The following CACNA2D2 variants were observed in gnomAD, a reference collection of about 807,000 sequenced individuals.
The protein encoded by CACNA2D2 is voltage-dependent calcium channel subunit alpha-2/delta-2.
Under a neutral mutation model 166.4 loss-of-function variants are expected in CACNA2D2, and 48 were observed. The ratio of observed to expected loss-of-function variants is 0.29; its 90% CI spans 0.23 to 0.37. The LOEUF (loss-of-function observed/expected upper bound fraction) is 0.37. CACNA2D2 is among the 10% of genes least tolerant of loss of function. The probability of loss-of-function intolerance (pLI) is 1.00; values close to 1 mark genes in which losing one functional copy is unlikely to be tolerated. For synonymous variants in CACNA2D2, 561 were observed against 573.7 expected, an observed-to-expected ratio of 0.98 and a Z score of 0.32; for missense variants, 1,122 against 1,433.0, an observed-to-expected ratio of 0.78 and a Z score of 3.50.
chr3:50,364,516 A>G lies in CACNA2D2; in HGVS notation c.*150T>C, dbSNP rs1704101008. On this transcript the variant is annotated 3_prime_UTR_variant, in exon 38 of 38. Coordinates refer to ENST00000424201, the MANE Select transcript of CACNA2D2 (RefSeq NM_006030.4). The stretch of plus-strand genomic sequence containing the variant: ...GTCCCGCTTTGGGACTCCCCATCCC[A>G]AGGCGCAGACCAGACTCTCAGGGCC... 4 of 969,378 alleles carry G rather than the reference A, an allele frequency of 4.1e-6. No homozygotes were observed. The highest frequency in any genetic ancestry group is 4.4e-6 in the Non-Finnish European group (3 of 678,304). The allele number at this position is 969,378 out of a possible 1,614,324, so 60.0% of individuals were successfully genotyped here.
intron 13 of CACNA2D2, 145 bp from the exon 14 acceptor site, chr3:50,378,478 G>A (rs1277372832): frequency 1.0e-5 from 8 of 799,614 alleles, no homozygotes; most frequent in East Asian, 2.7e-5. Flanking sequence ...TAGTGCTCCC[G>A]GCCTCTGCCC....
intron 2 of CACNA2D2, among the ~76,000 whole-genome samples, chr3:50,449,928 C>T (rs977459205): frequency 6.6e-6 from 1 of 152,152 alleles, no homozygotes; most frequent in Non-Finnish European, 1.5e-5. Flanking sequence ...ACAGGACTGT[C>T]ACCACCCAAG....
intron 2 of CACNA2D2, among the ~76,000 whole-genome samples, chr3:50,448,582 G>A (rs1402644162): frequency 1.3e-5 from 2 of 152,126 alleles, no homozygotes; most frequent in Non-Finnish European, 2.9e-5. Flanking sequence ...TATATGCCCA[G>A]GTTTATGGCG....
At chr3:50,372,726 G>A (rs587641291) in intron 22 of CACNA2D2, among the ~76,000 whole-genome samples, 14 of 152,272 alleles carry the variant, frequency 9.2e-5, no homozygotes, top group South Asian at 2.1e-4. Flanking sequence ...GTGGAGAAGC[G>A]TCCAGACTGT....
intron 1 of CACNA2D2, among the ~76,000 whole-genome samples, chr3:50,485,419 C>T (rs1041792113): frequency 3.3e-5 from 5 of 152,238 alleles, no homozygotes; most frequent in Non-Finnish European, 5.9e-5. Flanking sequence ...ATTTTTCCAA[C>T]AAAATCCAAT....
At chr3:50,468,074 G>A (rs1168936426) in intron 2 of CACNA2D2, among the ~76,000 whole-genome samples, 3 of 152,198 alleles carry the variant, frequency 2.0e-5, no homozygotes. Context: ...CAATGAAAGG[G>A]AGTGAAGGAT....
At chr3:50,406,801 T>A (rs1424769801) in intron 3 of CACNA2D2, among the ~76,000 whole-genome samples, 1 of 151,792 alleles carries the variant, frequency 6.6e-6, no homozygotes, top group Non-Finnish European at 1.5e-5. Context: ...TGTGGTCACC[T>A]CTGCTAGTGC....
At position 50,380,892 on chromosome 3, in the gene CACNA2D2, G is replaced by A; in HGVS notation, c.785-87C>T. The A allele has an allele frequency of 1.9e-6, 3 of 1,544,808 alleles. No individual in the cohort carries two copies. The East Asian group carries it at 6.8e-5, about 35-fold the overall frequency. On this transcript the variant is annotated intron_variant, in intron 7 of 37. Transcript: ENST00000424201. The surrounding 1 kb of genome is among the most constrained non-coding windows in gnomAD (Gnocchi z 4.9). ...TTGCAGAGGCGACTGGGCTGCCACAGACTACAGAGAAGCCACCCCGCCCCA... is the reference window on the plus strand; with the variant it reads ...TTGCAGAGGCGACTGGGCTGCCACAAACTACAGAGAAGCCACCCCGCCCCA...
chr3:50,464,496 A>G (rs1709738085), intron 2 of CACNA2D2, among the ~76,000 whole-genome samples: 1 of 152,154 alleles, frequency 6.6e-6, no homozygotes, highest in South Asian at 2.1e-4. Flanking sequence ...GCCCTGTTCA[A>G]TGAGGGAACC....
Position 50,381,537 on chromosome 3 carries a change from C to T in CACNA2D2, c.653-411G>A, listed in dbSNP as rs1359058218. Among the ~76,000 whole-genome samples the T allele has an allele frequency of 2.6e-5, 4 of 150,986 alleles. No homozygotes were observed. The Admixed American group carries it at 2.7e-4, about 10-fold the overall frequency. ...ACTCCAGGCTTCAGCCACAAGAAAG[C>T]AATTAAGGGCCTGCTGATGGGGCTG... On this transcript the variant is annotated intron_variant, in intron 6 of 37. Coordinates refer to ENST00000424201, the MANE Select transcript of CACNA2D2 (RefSeq NM_006030.4).
chr3:50,453,286 T>C (rs1709193298), intron 2 of CACNA2D2, among the ~76,000 whole-genome samples: 1 of 152,180 alleles, frequency 6.6e-6, no homozygotes, highest in African/African-American at 2.4e-5. Context: ...TCCCAAGTCC[T>C]AGCAGCCTCT....
Position 50,476,169 on chromosome 3 carries a change from C to T in CACNA2D2, c.237G>A (p.Gln79=), listed in dbSNP as rs2107090444. 6.2e-7 allele frequency: 1 copy of T among 1,600,516 alleles called. No homozygotes were observed. The highest frequency in any genetic ancestry group is 1.7e-4 in the Middle Eastern group (1 of 6,052). Residue 79 remains glutamine (Q), a synonymous_variant, in exon 2 of 38, where the codon CAG becomes CAA. Coordinates refer to ENST00000424201, the MANE Select transcript of CACNA2D2 (RefSeq NM_006030.4). ...TMQHWARRLE[Q]EVDGVMRIFG... is the part of the protein sequence containing the mutation. Reference sequence around the variant, plus strand: ...AAATCCGCATCACGCCGTCGACCTCCTGCTCCAGACGCCGGGCCCAGTGCT... The same window carrying T: ...AAATCCGCATCACGCCGTCGACCTCTTGCTCCAGACGCCGGGCCCAGTGCT...
chr3:50,402,292 T>C (rs1030508652), intron 3 of CACNA2D2, among the ~76,000 whole-genome samples: 7 of 152,110 alleles, frequency 4.6e-5, no homozygotes, highest in African/African-American at 1.7e-4. Context: ...ACAGACCAGT[T>C]TTCTGGAAAT....
chr3:50,378,760 A>G (rs1359870874), intron 13 of CACNA2D2, among the ~76,000 whole-genome samples, 155 bp downstream of exon 13: 1 of 152,214 alleles, frequency 6.6e-6, no homozygotes, highest in African/African-American at 2.4e-5. Flanking sequence ...GTTAGCCCCC[A>G]GATAGAGTGA....
At chr3:50,436,126 G>T (rs1236167347) in intron 2 of CACNA2D2, among the ~76,000 whole-genome samples, 1 of 152,154 alleles carries the variant, frequency 6.6e-6, no homozygotes, top group Non-Finnish European at 1.5e-5. Flanking sequence ...CGATTGAGTG[G>T]CAAAGCCAGA....
intron 3 of CACNA2D2, among the ~76,000 whole-genome samples, chr3:50,414,108 T>G (rs1055945155): frequency 8.6e-5 from 13 of 152,044 alleles, no homozygotes; most frequent in African/African-American, 3.1e-4. Context: ...GAACCATACC[T>G]CTGAGGCCCA....
rs1699065207 is a variant in CACNA2D2 at position 50,503,341 on chromosome 3, T to A, written c.83A>T (p.His28Leu). 2.8e-6 allele frequency: 1 copy of A among 356,700 alleles called. No individual in the cohort carries two copies. The highest frequency in any genetic ancestry group is 5.1e-5 in the Admixed American group (1 of 19,534). 22.1% of individuals were successfully genotyped at this position (356,700 alleles called of 1,614,324 possible). Residue 28 changes from histidine (H) to leucine (L), a missense_variant, in exon 1 of 38, where the codon CAC (histidine) becomes CTC (leucine). Transcript: ENST00000424201. ...TARPWPGCGP[H>L]PGPGTRRPTS... is the part of the protein sequence containing the mutation. ...CGGGCGCCGGGTGCCGGGGCCAGGGTGGGGGCCGCAGCCGGGCCAGGGGCG... is the reference window on the plus strand; with the variant it reads ...CGGGCGCCGGGTGCCGGGGCCAGGGAGGGGGCCGCAGCCGGGCCAGGGGCG...
intron 13 of CACNA2D2, 76 bp from the exon 14 acceptor site, chr3:50,378,409 G>A: frequency 1.4e-6 from 2 of 1,420,390 alleles, no homozygotes; most frequent in Non-Finnish European, 1.9e-6. Context: ...TGCCCCTGGG[G>A]TGTGTCTGCA....
intron 2 of CACNA2D2, among the ~76,000 whole-genome samples, chr3:50,471,921 C>G (rs1710115841): frequency 6.6e-6 from 1 of 152,222 alleles, no homozygotes; most frequent in Non-Finnish European, 1.5e-5. Context: ...TTGGAAAATG[C>G]CATTCCTGGC....
Sources: allele counts gnomAD v4.1 joint callset (sites outside exome capture counted in the v4.1 genomes callset), GRCh38; gene constraint gnomAD v4.1.1; non-coding constraint Gnocchi (gnomAD v3.1); transcripts MANE v1.5; gene names NCBI Gene and HGNC (gene_info 2026-07-23, HGNC 2026-07-21).